Variants in BANP observed in about 807,000 individuals in gnomAD.
The protein encoded by BANP is BTG3 associated nuclear protein.
In BANP, 11 loss-of-function variants were observed where a neutral mutation model predicts 68.1. The ratio of observed to expected loss-of-function variants is 0.16; its 90% confidence interval spans 0.10 to 0.27. The LOEUF is 0.27. Ranked by LOEUF, BANP falls within the 10% of genes least tolerant of loss-of-function variation. BANP has a pLI of 1.00. For missense variants in BANP, 504 were observed against 722.7 expected (o/e 0.70, Z 3.47); for synonymous variants, 329 against 303.2 (o/e 1.09, Z -0.88).
rs1395585756 is a variant in BANP, at chr16:88,064,884, C to T, written c.1312-383C>T. On this transcript the variant is annotated intron_variant, in intron 11 of 13. Coordinates refer to ENST00000682872, the MANE Select transcript of BANP (RefSeq NM_001386991.1). The surrounding 1 kb of genome is among the most constrained non-coding windows in gnomAD (Gnocchi z 4.5). ...TGGGAGGTGGCTAGAGCCCAGTGGC[C>T]TCCAGGGGAACACGAGTCATAGAGG... Among the ~76,000 whole-genome samples, 1 of 152,218 alleles carries T rather than the reference C, an allele frequency of 6.6e-6. No individual in the cohort carries two copies. Among genetic ancestry groups the T allele is most frequent in the Non-Finnish European group, 1.5e-5 (1 of 68,042 alleles).
chr16:88,055,901 C>T (rs1381197089), intron 11 of BANP, among the ~76,000 whole-genome samples: 2 of 152,128 alleles, frequency 1.3e-5, no homozygotes, highest in Non-Finnish European at 2.9e-5. Flanking sequence ...GCCTTCTCTA[C>T]CAGAAATGGT....
intron 8 of BANP, among the ~76,000 whole-genome samples, chr16:88,029,155 A>G (rs552108568): frequency 2.6e-4 from 40 of 152,068 alleles, no homozygotes; most frequent in African/African-American, 9.4e-4. Flanking sequence ...AAAAATACAA[A>G]AATTAGCCAG....
Position 88,076,681 on chromosome 16 carries a change from G to A in BANP, c.*20G>A. ...CAGTGAGCGGTGCCCATGGCACCAG[G>A]AGCCCCTCGCCGGCTCCGCCTACGG... is the stretch of plus-strand genomic sequence containing the variant. On this transcript the variant is annotated 3_prime_UTR_variant, in exon 14 of 14. Transcript: ENST00000682872. The A allele has an allele frequency of 6.3e-7, 1 of 1,599,810 alleles. No individual in the cohort carries two copies. Among genetic ancestry groups the A allele is most frequent in the Non-Finnish European group, 8.5e-7 (1 of 1,176,642 alleles).
intron 1 of BANP, among the ~76,000 whole-genome samples, chr16:87,972,847 A>G (rs1308590434): frequency 6.6e-6 from 1 of 152,118 alleles, no homozygotes; most frequent in Non-Finnish European, 1.5e-5. Context: ...GGAGCTTTGG[A>G]TAATGCGTTT....
Position 88,006,130 on chromosome 16 carries a change from G to C in BANP, c.520G>C (p.Val174Leu). 6.2e-7 allele frequency: 1 copy of C among 1,614,078 alleles called. No homozygotes were observed. Among genetic ancestry groups the C allele is most frequent in the Non-Finnish European group, 8.5e-7 (1 of 1,179,962 alleles). ...GRRQNTIVVKVPGQEDSHHED... is the reference protein window; with the variant it reads ...GRRQNTIVVKLPGQEDSHHED... Reference sequence around the variant, plus strand: ...TCGGCAGAACACCATTGTGGTGAAGGTGCCGGGCCAAGAAGACAGCCACCA... The same window carrying C: ...TCGGCAGAACACCATTGTGGTGAAGCTGCCGGGCCAAGAAGACAGCCACCA... The change falls in exon 6 of 14, where the codon GTG becomes CTG. Residue 174 changes from valine to leucine, a missense_variant. Physicochemically the swap from Val to Leu is conservative, Grantham distance 32. Coordinates refer to ENST00000682872, the MANE Select transcript of BANP (RefSeq NM_001386991.1).
At chr16:87,958,671 C>A (rs1187617293) in intron 1 of BANP, among the ~76,000 whole-genome samples, 1 of 152,226 alleles carries the variant, frequency 6.6e-6, no homozygotes, top group East Asian at 1.9e-4. Context: ...CCACTGCACT[C>A]CAGCCTGGGC....
chr16:88,031,116 A>G (rs2078077597), intron 8 of BANP, among the ~76,000 whole-genome samples: 2 of 152,190 alleles, frequency 1.3e-5, no homozygotes, highest in African/African-American at 4.8e-5. Context: ...GTGCTCCGTA[A>G]CTGCTCAGGC....
rs1288912954 is a variant in BANP at position 87,981,884 on chromosome 16, GT to G, written c.162+759del. Among the ~76,000 whole-genome samples, 8 of 152,206 alleles carry G rather than the reference GT, an allele frequency of 5.3e-5. No individual in the cohort carries two copies. The East Asian group carries it at 1.5e-3, about 29-fold the overall frequency. ...ATTTTTGGATCTTTGAATTTGCTTG[GT>G]TGGTTCCAGTGTTTGCAGAGTCACC... is the stretch of plus-strand genomic sequence containing the variant. On this transcript the variant is annotated intron_variant, in intron 3 of 13. Transcript: ENST00000682872.
chr16:88,058,220 C>T (rs989034017), intron 11 of BANP, among the ~76,000 whole-genome samples: 12 of 152,190 alleles, frequency 7.9e-5, no homozygotes, highest in Non-Finnish European at 1.5e-4. Context: ...TGTTTTTTGA[C>T]TCACTGGCCT....
chr16:88,040,046 G>A (rs2080360521), intron 11 of BANP, among the ~76,000 whole-genome samples: 2 of 152,074 alleles, frequency 1.3e-5, no homozygotes, highest in Admixed American at 1.3e-4. Flanking sequence ...CCTATTATCG[G>A]TCACATTTCT....
Position 88,004,766 on chromosome 16 carries a change from A to G in BANP, c.479+355A>G, listed in dbSNP as rs2152559901. On this transcript the variant is annotated intron_variant, in intron 5 of 13. Transcript: ENST00000682872. This position sits in a 1 kb window ranked among gnomAD's most constrained non-coding sequence, Gnocchi z 7.0. ...TCTGTCTGTGCAGAGCGTGTCAGGC[A>G]AACAGACGCCCTCTCCCACGGTTGC... Among the ~76,000 whole-genome samples the G allele has an allele frequency of 6.6e-6, 1 of 152,342 alleles. No individual in the cohort carries two copies. Among genetic ancestry groups the G allele is most frequent in the East Asian group, 1.9e-4 (1 of 5,190 alleles).
rs770110160 is a variant in BANP, at chr16:88,035,330, A to C, written c.1208A>C (p.Gln403Pro). 2.5e-6 allele frequency: 4 copies of C among 1,610,624 alleles called. No homozygotes were observed. In the South Asian group the frequency reaches 4.4e-5, roughly 18 times the overall value. Residue 403 changes from glutamine to proline, a missense_variant, in exon 10 of 14, where the codon CAG (glutamine) becomes CCG (proline). Coordinates refer to ENST00000682872, the MANE Select transcript of BANP (RefSeq NM_001386991.1). ...TGTCTTTTCTTGCTGCGGATCCCAC[A>C]GGGACACCTCCACATCGCCCAGGTG... Reference protein sequence around the residue: ...GEDGQVQVIPQGHLHIAQVPQ... With the variant: ...GEDGQVQVIPPGHLHIAQVPQ...
chr16:88,049,988 TAAG>T (rs2082878021), intron 11 of BANP, among the ~76,000 whole-genome samples: 2 of 152,220 alleles, frequency 1.3e-5, no homozygotes, highest in Non-Finnish European at 2.9e-5. Context: ...TTCTTCCAAT[TAAG>T]AACCCTCTTC....
chr16:88,004,739 C>A lies in BANP; in HGVS notation c.479+328C>A, dbSNP rs868621282. 3.3e-5 allele frequency among the ~76,000 whole-genome samples: 5 copies of A among 152,240 alleles called. No homozygotes were observed. The highest frequency in any genetic ancestry group is 1.2e-4 in the African/African-American group (5 of 41,470). The stretch of plus-strand genomic sequence containing the variant: ...CTCCCACCTAGCTCAGTGGTCCTCA[C>A]GTCTGTCTGTGCAGAGCGTGTCAGG... On this transcript the variant is annotated intron_variant, in intron 5 of 13. Coordinates refer to ENST00000682872, the MANE Select transcript of BANP (RefSeq NM_001386991.1). This position sits in a 1 kb window ranked among gnomAD's most constrained non-coding sequence, Gnocchi z 7.0.
At chr16:88,027,695 C>A in intron 8 of BANP, 45 bp downstream of exon 8, 1 of 1,606,554 alleles carries the variant, frequency 6.2e-7, no homozygotes, top group Non-Finnish European at 8.5e-7. Flanking sequence ...CCGCTCGGGG[C>A]AGCTGGCCTG....
intron 13 of BANP, among the ~76,000 whole-genome samples, chr16:88,072,778 C>T (rs949893927): frequency 3.3e-5 from 5 of 152,242 alleles, no homozygotes; most frequent in African/African-American, 4.8e-5. Context: ...CCCGTGATGC[C>T]GTGGGCTGTT....
chr16:88,054,188 A>G (rs1303440843), intron 11 of BANP, among the ~76,000 whole-genome samples: 4 of 77,242 alleles, frequency 5.2e-5, no homozygotes, highest in African/African-American at 1.4e-4. Flanking sequence ...ATCATCACCA[A>G]CACAACCACC....
chr16:88,072,004 A>ATGTGGGTTGTGGGT, intron 12 of BANP, 65 bp from the exon 13 acceptor site: 3 of 1,535,474 alleles, frequency 2.0e-6, no homozygotes, highest in Non-Finnish European at 2.6e-6. Context: ...CTGTGGAGCC[A>ATGTGGGTTGTGGGT]TGTGGGTTGT....
chr16:88,038,039 C>G lies in BANP; in HGVS notation c.1311+28C>G, dbSNP rs751226491. ...GAGTGTCCCAGTCCCCATGCACATG[C>G]GGGCGTTGCGCTGCCGAGGGATGGG... On this transcript the variant is annotated intron_variant, in intron 11 of 13. Coordinates refer to ENST00000682872, the MANE Select transcript of BANP (RefSeq NM_001386991.1). The G allele has an allele frequency of 6.1e-6, 9 of 1,482,404 alleles. No individual in the cohort carries two copies. In the Admixed American group the frequency reaches 1.6e-4, roughly 27 times the overall value. 91.8% of individuals were successfully genotyped at this position (1,482,404 alleles called of 1,614,324 possible). A position where few individuals can be genotyped will look rare whatever the true frequency, so the allele number is the denominator to read the frequency against.
Sources: allele counts gnomAD v4.1 joint callset (sites outside exome capture counted in the v4.1 genomes callset), GRCh38; gene constraint gnomAD v4.1.1; non-coding constraint Gnocchi (gnomAD v3.1); transcripts MANE v1.5; gene names NCBI Gene and HGNC (gene_info 2026-07-23, HGNC 2026-07-21).